KRT1: variants seen among roughly 807,000 people sequenced by gnomAD.
KRT1 encodes the protein keratin, type II cytoskeletal 1.
In KRT1, 28 loss-of-function variants were observed where a neutral mutation model predicts 51.6. The observed-to-expected ratio is 0.54, with a 90% CI of 0.40 to 0.74. KRT1 has a LOEUF of 0.74. Ranked by LOEUF, KRT1 falls within the 30% of genes least tolerant of loss-of-function variation. The pLI, the probability that KRT1 is intolerant of heterozygous loss-of-function variation, is 0.00. For missense variants in KRT1, 783 were observed against 815.5 expected, an observed-to-expected ratio of 0.96 and a Z score of 0.49; for synonymous variants, 301 against 307.7, an observed-to-expected ratio of 0.98 and a Z score of 0.23.
chr12:52,679,944 C>T lies in KRT1; in HGVS notation c.405G>A (p.Gly135=). The T allele has an allele frequency of 6.2e-7, 1 of 1,613,416 alleles. No individual in the cohort carries two copies. Among genetic ancestry groups the T allele is most frequent in the East Asian group, 2.2e-5 (1 of 44,854 alleles). The change falls in exon 1 of 9, where the codon GGG becomes GGA. Residue 135 remains glycine, a synonymous_variant. Transcript: ENST00000252244. ...CATAACCACCCCCATATCCACCACC[C>T]CCAAAGCCACCTCCACCAAAACCAC... is the stretch of plus-strand genomic sequence containing the variant. ...GGGGFGGGGF[G]GGGYGGGYGP... is the part of the protein sequence containing the mutation.
chr12:52,676,351 C>A lies in KRT1; in HGVS notation c.1399G>T (p.Glu467Ter). The stretch of plus-strand genomic sequence containing the variant: ...AGGGCCAGCTTTGTGTTCATCAGCT[C>A]CTGGTAGTCGCGCAGCAGGCGGGCC... ...DLARLLRDYQ[E>*]LMNTKLALDL... Residue 467 changes from glutamate to a stop codon, truncating the protein, a stop_gained, in exon 7 of 9, where the codon GAG (glutamate) becomes TAG (stop). Coordinates refer to ENST00000252244, the MANE Select transcript of KRT1 (RefSeq NM_006121.4). LOFTEE classifies it high-confidence loss of function. 1 of 1,614,166 alleles carries A rather than the reference C, an allele frequency of 6.2e-7. No homozygotes were observed. The highest frequency in any genetic ancestry group is 8.5e-7 in the Non-Finnish European group (1 of 1,180,034).
rs565822286 is a variant in KRT1, at chr12:52,678,157, G to A, written c.867+6C>T. On this transcript the variant is annotated splice_donor_region_variant and intron_variant, in intron 3 of 8. Transcript: ENST00000252244. The stretch of plus-strand genomic sequence containing the variant: ...ATGTGAGTTCCGTCCTACAGAATTT[G>A]CTTACCTTCTTGATGGTCACAAATT... The A allele has an allele frequency of 2.5e-6, 4 of 1,613,640 alleles. No homozygotes were observed. Among genetic ancestry groups the A allele is most frequent in the African/African-American group, 1.3e-5 (1 of 75,000 alleles).
Position 52,677,313 on chromosome 12 carries a change from C to T in KRT1, c.1128+3G>A, listed in dbSNP as rs200891502. On this transcript the variant is annotated splice_donor_region_variant and intron_variant, in intron 5 of 8. Coordinates refer to ENST00000252244, the MANE Select transcript of KRT1 (RefSeq NM_006121.4). ...AAACTGGCTAGGCTTTCAGCCCACT[C>T]ACCTTGCTCTGGTACAAGGACTCGG... The T allele has an allele frequency of 2.7e-5, 44 of 1,614,256 alleles. No individual in the cohort carries two copies. The highest frequency in any genetic ancestry group is 3.7e-5 in the Non-Finnish European group (44 of 1,180,052).
intron 6 of KRT1, 63 bp downstream of exon 6, chr12:52,676,996 G>A (rs112525627): frequency 1.4e-5 from 23 of 1,595,766 alleles, no homozygotes; most frequent in East Asian, 4.5e-5. Flanking sequence ...GAAAGCACTC[G>A]CCCTTTACCT....
Position 52,675,126 on chromosome 12 carries a change from T to C in KRT1, c.*67A>G. 1 of 1,596,686 alleles carries C rather than the reference T, an allele frequency of 6.3e-7. No homozygotes were observed. The stretch of plus-strand genomic sequence containing the variant: ...TAAGGCTGGGACAAATCGACCTCGG[T>C]CTTGCCAAGCATATTTGTTAGTGAT... On this transcript the variant is annotated 3_prime_UTR_variant, in exon 9 of 9. Transcript: ENST00000252244.
At chr12:52,677,288 A>C (rs775504383) in intron 5 of KRT1, 28 bp downstream of exon 5, 2 of 1,614,258 alleles carry the variant, frequency 1.2e-6, no homozygotes, top group South Asian at 2.2e-5. Flanking sequence ...CATTTCAGGG[A>C]AACTGGCTAG....
Position 52,678,233 on chromosome 12 carries a change from A to T in KRT1, c.807-10T>A. 6.2e-7 allele frequency: 1 copy of T among 1,613,878 alleles called. No homozygotes were observed. Among genetic ancestry groups the T allele is most frequent in the African/African-American group, 1.3e-5 (1 of 75,040 alleles). Reference sequence around the variant, plus strand: ...GATTTCATCCTCATACCTGCAGGAAAGCAGAAACAATTAGGAGATTCAGAG... The same window carrying T: ...GATTTCATCCTCATACCTGCAGGAATGCAGAAACAATTAGGAGATTCAGAG... On this transcript the variant is annotated splice_polypyrimidine_tract_variant and intron_variant, in intron 2 of 8. Coordinates refer to ENST00000252244, the MANE Select transcript of KRT1 (RefSeq NM_006121.4).
chr12:52,677,445 A>G lies in KRT1; in HGVS notation c.999T>C (p.Thr333=), dbSNP rs1358737722. Residue 333 remains threonine (T), a synonymous_variant, in exon 5 of 9, where the codon ACT becomes ACC. Coordinates refer to ENST00000252244, the MANE Select transcript of KRT1 (RefSeq NM_006121.4). ...LSQMQTQISE[T]NVILSMDNNR... ...TGTTGTCCATAGAGAGGATGACATT[A>G]GTTTCACTGATTTGAGTCTGCATCT... 3.1e-6 allele frequency: 5 copies of G among 1,614,242 alleles called. No homozygotes were observed. Among genetic ancestry groups the G allele is most frequent in the Admixed American group, 1.7e-5 (1 of 60,032 alleles).
In KRT1 at chr12:52,680,259, C is replaced by T. The variant is rs1190118432; in HGVS notation, c.90G>A (p.Arg30=). The change falls in exon 1 of 9, where the codon AGG becomes AGA. Residue 30 remains arginine, a synonymous_variant. Transcript: ENST00000252244. ...TGCGGCGTGTGGAGCTGCTGGTGGT[C>T]CTGCGCTGGTAGTTGATGATCCCAG... ...GSAGIINYQR[R]TTSSSTRRSG... is the part of the protein sequence containing the mutation. The T allele has an allele frequency of 6.2e-7, 1 of 1,613,900 alleles. No homozygotes were observed. The highest frequency in any genetic ancestry group is 1.3e-5 in the African/African-American group (1 of 74,846).
rs1164469836 is a variant in KRT1, at chr12:52,677,406, G to A, written c.1038C>T (p.Asp346=). 3 of 1,614,202 alleles carry A rather than the reference G, an allele frequency of 1.9e-6. No homozygotes were observed. The South Asian group carries it at 3.3e-5, about 18-fold the overall frequency. ...ILSMDNNRSL[D]LDSIIAEVKA... ...TGACCTCAGCAATGATGCTGTCCAGGTCGAGACTGCGGTTGTTGTCCATAG... is the reference window on the plus strand; with the variant it reads ...TGACCTCAGCAATGATGCTGTCCAGATCGAGACTGCGGTTGTTGTCCATAG... Residue 346 remains aspartate, a synonymous_variant, in exon 5 of 9, where the codon GAC becomes GAT. Coordinates refer to ENST00000252244, the MANE Select transcript of KRT1 (RefSeq NM_006121.4).
At chr12:52,677,623 A>G (rs1296464971) in intron 4 of KRT1, 27 bp downstream of exon 4, 1 of 1,611,082 alleles carries the variant, frequency 6.2e-7, no homozygotes, top group East Asian at 2.2e-5. Flanking sequence ...CCATTTAGAT[A>G]AACTTGGTTG....
Position 52,680,020 on chromosome 12 carries a change from C to T in KRT1, c.329G>A (p.Gly110Asp), listed in dbSNP as rs1246220741. ...GCCACCACCCCCAATGCCACCTCCA[C>T]CAAAGCCACCACCACCAAAGCCACC... ...GGGGFGGGGF[G>D]GGGIGGGGFG... The change falls in exon 1 of 9, where the codon GGT (glycine) becomes GAT (aspartate). Residue 110 changes from glycine (G) to aspartate (D), a missense_variant. Coordinates refer to ENST00000252244, the MANE Select transcript of KRT1 (RefSeq NM_006121.4). The T allele has an allele frequency of 6.4e-7, 1 of 1,557,082 alleles. No homozygotes were observed. Among genetic ancestry groups the T allele is most frequent in the Non-Finnish European group, 8.7e-7 (1 of 1,149,620 alleles).
In KRT1 at chr12:52,676,179, C is replaced by T. The variant is rs1488746538; in HGVS notation, c.1475+96G>A. The T allele has an allele frequency of 4.1e-5, 43 of 1,041,752 alleles. 2 individuals carry two copies. Among genetic ancestry groups the T allele is most frequent in the Middle Eastern group, 4.2e-4 (2 of 4,756 alleles). 64.5% of individuals were successfully genotyped at this position (1,041,752 alleles called of 1,614,324 possible). A position where few individuals can be genotyped will look rare whatever the true frequency, so the allele number is the denominator to read the frequency against. On this transcript the variant is annotated intron_variant, in intron 7 of 8. Transcript: ENST00000252244. ...ACTTTTCATTTCCCCATACCCAGCA[C>T]AAGCTGCAATCAGATGGCTGCATCT...
intron 7 of KRT1, 109 bp from the exon 8 acceptor site, chr12:52,675,853 T>C (rs1233358059): frequency 2.4e-5 from 30 of 1,269,336 alleles, no homozygotes; most frequent in Non-Finnish European, 3.4e-5. Context: ...TCTTCTCCAA[T>C]GCACTTAATC....
Position 52,679,857 on chromosome 12 carries a change from G to A in KRT1, c.492C>T (p.Pro164=), listed in dbSNP as rs142821486. 3 of 1,613,936 alleles carry A rather than the reference G, an allele frequency of 1.9e-6. No homozygotes were observed. Among genetic ancestry groups the A allele is most frequent in the African/African-American group, 1.3e-5 (1 of 74,864 alleles). ...EVTINQSLLQ[P]LNVEIDPEIQ... ...TCTCAGGGTCAATCTCCACATTGAG[G>A]GGCTGAAGAAGGCTCTGGTTGATAG... is the stretch of plus-strand genomic sequence containing the variant. Residue 164 remains proline, a synonymous_variant, in exon 1 of 9, where the codon CCC becomes CCT. Coordinates refer to ENST00000252244, the MANE Select transcript of KRT1 (RefSeq NM_006121.4).
At chr12:52,679,501 A>G (rs1288257049) in intron 1 of KRT1, among the ~76,000 whole-genome samples, 2 of 152,214 alleles carry the variant, frequency 1.3e-5, no homozygotes, top group African/African-American at 4.8e-5. Context: ...TCCGCTCAAG[A>G]GCTGAATAAA....
chr12:52,678,298 G>T, intron 2 of KRT1, 75 bp from the exon 3 acceptor site: 4 of 1,458,666 alleles, frequency 2.7e-6, no homozygotes, highest in East Asian at 2.3e-5. Flanking sequence ...ACTAAAGGTG[G>T]CATTGCCTAT....
chr12:52,679,573 A>AGG, intron 1 of KRT1, among the ~76,000 whole-genome samples, 185 bp downstream of exon 1: 1 of 152,330 alleles, frequency 6.6e-6, no homozygotes, highest in Middle Eastern at 3.4e-3. Flanking sequence ...CCCTTTGTCA[A>AGG]AGAGAGAGTC....
Position 52,676,404 on chromosome 12 carries a change from T to A in KRT1, c.1346A>T (p.Asp449Val), listed in dbSNP as rs770919748. 1 of 1,614,208 alleles carries A rather than the reference T, an allele frequency of 6.2e-7. No homozygotes were observed. Among genetic ancestry groups the A allele is most frequent in the Non-Finnish European group, 8.5e-7 (1 of 1,180,036 alleles). The change falls in exon 7 of 9, where the codon GAT becomes GTT. Residue 449 changes from aspartate (D) to valine (V), a missense_variant. Physicochemically the swap from Asp to Val is radical, Grantham distance 152 (BLOSUM62 -3). Coordinates refer to ENST00000252244, the MANE Select transcript of KRT1 (RefSeq NM_006121.4). ...DAKNKLNDLE[D>V]ALQQAKEDLA... ...GTCTTCCTTGGCCTGCTGCAGGGCA[T>A]CCTCCAGGTCATTCAGCTTGTTCTT... is the stretch of plus-strand genomic sequence containing the variant.
Sources: allele counts gnomAD v4.1 joint callset (sites outside exome capture counted in the v4.1 genomes callset), GRCh38; gene constraint gnomAD v4.1.1; transcripts MANE v1.5; gene names NCBI Gene and HGNC (gene_info 2026-07-23, HGNC 2026-07-21).